The following NEK7 variants were observed in gnomAD, a reference collection of about 807,000 sequenced individuals.
The protein encoded by NEK7 is serine/threonine-protein kinase Nek7.
NEK7 carries 18 observed loss-of-function variants against 44.6 expected under a neutral mutation model. That is an observed-to-expected ratio of 0.40 (90% CI 0.28 to 0.60). NEK7 has a LOEUF of 0.60. NEK7 is among the 20% of genes least tolerant of loss of function. The pLI is 0.38. For synonymous variants in NEK7, 130 were observed against 121.1 expected, an observed-to-expected ratio of 1.07 and a Z score of -0.48; for missense variants, 256 against 366.5, an observed-to-expected ratio of 0.70 and a Z score of 2.46.
intron 9 of NEK7, among the ~76,000 whole-genome samples, chr1:198,298,265 C>T (rs1346971349): frequency 1.3e-5 from 2 of 152,068 alleles, no homozygotes; most frequent in African/African-American, 4.8e-5. Flanking sequence ...TATTGTGAAA[C>T]GAATAGCATA....
At chr1:198,284,771 C>T (rs554911255) in intron 7 of NEK7, among the ~76,000 whole-genome samples, 6 of 152,208 alleles carry the variant, frequency 3.9e-5, no homozygotes, top group African/African-American at 1.4e-4. Flanking sequence ...AGTACCAGAA[C>T]AATTTTATAT....
chr1:198,236,000 A>G (rs1042250288), intron 2 of NEK7, among the ~76,000 whole-genome samples: 8 of 152,158 alleles, frequency 5.3e-5, no homozygotes, highest in African/African-American at 1.9e-4. Flanking sequence ...ATGGCAGTTC[A>G]GACTGTAATC....
At chr1:198,319,388 T>C in intron 9 of NEK7, 24 bp from the exon 10 acceptor site, 1 of 1,557,428 alleles carries the variant, frequency 6.4e-7, no homozygotes. Context: ...TTAATCAGGT[T>C]TTATTGTTTT....
intron 4 of NEK7, 90 bp from the exon 5 acceptor site, chr1:198,264,035 C>T (rs1005809153): frequency 1.9e-5 from 25 of 1,295,746 alleles, no homozygotes; most frequent in African/African-American, 1.5e-4. Context: ...TTAAAAAATA[C>T]GGTGAAGTTT....
intron 9 of NEK7, among the ~76,000 whole-genome samples, chr1:198,305,187 A>G (rs1012765063): frequency 1.3e-5 from 2 of 152,192 alleles, no homozygotes; most frequent in East Asian, 1.9e-4. Context: ...AGCAATAAAT[A>G]CAAAGCTAAC....
At chr1:198,213,235 T>C (rs574096145) in intron 1 of NEK7, among the ~76,000 whole-genome samples, 78 of 152,254 alleles carry the variant, frequency 5.1e-4, no homozygotes, top group African/African-American at 1.9e-3. Flanking sequence ...GTGTACCACA[T>C]TAAGGGAGCA....
intron 1 of NEK7, among the ~76,000 whole-genome samples, chr1:198,178,686 TTTGTTGTTGTTG>T (rs71133918): frequency 3.3e-5 from 5 of 151,650 alleles, no homozygotes; most frequent in Non-Finnish European, 5.9e-5. Flanking sequence ...CCTGCCATTT[TTTGTTGTTGTTG>T]TTGTTGTTGT....
At chr1:198,291,462 C>T (rs924404596) in intron 7 of NEK7, among the ~76,000 whole-genome samples, 2 of 152,156 alleles carry the variant, frequency 1.3e-5, no homozygotes, top group South Asian at 2.1e-4. Flanking sequence ...ATTCTTTAAA[C>T]CTAGCTGTTT....
intron 1 of NEK7, among the ~76,000 whole-genome samples, chr1:198,198,777 T>A (rs1665321506): frequency 6.6e-6 from 1 of 152,248 alleles, no homozygotes; most frequent in Non-Finnish European, 1.5e-5. Context: ...TTCTCAGTTT[T>A]TAATTCCCTC....
intron 1 of NEK7, among the ~76,000 whole-genome samples, chr1:198,218,351 A>C (rs1665986279): frequency 6.6e-6 from 1 of 152,068 alleles, no homozygotes; most frequent in Non-Finnish European, 1.5e-5. Context: ...TGGCGCTGGG[A>C]AAATTGGATA....
At chr1:198,231,218 T>C (rs1162305692) in intron 1 of NEK7, among the ~76,000 whole-genome samples, 3 of 149,118 alleles carry the variant, frequency 2.0e-5, no homozygotes, top group Non-Finnish European at 4.5e-5. Flanking sequence ...ACTATTGTTG[T>C]TAGTGCAAAT....
At chr1:198,313,331 GTC>G (rs1480926966) in intron 9 of NEK7, among the ~76,000 whole-genome samples, 1 of 151,406 alleles carries the variant, frequency 6.6e-6, no homozygotes, top group African/African-American at 2.4e-5. Flanking sequence ...GCCTATGTGT[GTC>G]TCTGCATGTG....
At chr1:198,237,430 G>T (rs1666569266) in intron 2 of NEK7, among the ~76,000 whole-genome samples, 1 of 151,902 alleles carries the variant, frequency 6.6e-6, no homozygotes, top group African/African-American at 2.4e-5. Flanking sequence ...CCTCCAGACT[G>T]ACAGCCCACC....
At chr1:198,204,287 AAT>A (rs1314237058) in intron 1 of NEK7, among the ~76,000 whole-genome samples, 1 of 152,160 alleles carries the variant, frequency 6.6e-6, no homozygotes, top group Non-Finnish European at 1.5e-5. Flanking sequence ...ATAAAAAATA[AAT>A]ATGAGAGCAA....
At chr1:198,285,201 AGATCTT>A (rs1272554197) in intron 7 of NEK7, among the ~76,000 whole-genome samples, 6 of 152,234 alleles carry the variant, frequency 3.9e-5, no homozygotes, top group Non-Finnish European at 8.8e-5. Flanking sequence ...ATGAGGACAG[AGATCTT>A]TGTGTATTTG....
chr1:198,158,192 A>C (rs1483086106), intron 1 of NEK7, among the ~76,000 whole-genome samples: 1 of 152,194 alleles, frequency 6.6e-6, no homozygotes, highest in African/African-American at 2.4e-5. Flanking sequence ...CTGGGGAGAA[A>C]TGCTAAAAAA....
chr1:198,198,785 C>G (rs1410658342), intron 1 of NEK7, among the ~76,000 whole-genome samples: 1 of 152,196 alleles, frequency 6.6e-6, no homozygotes, highest in African/African-American at 2.4e-5. Context: ...TTTTAATTCC[C>G]TCTCCCCACA....
intron 1 of NEK7, among the ~76,000 whole-genome samples, chr1:198,168,633 T>C (rs16842482): frequency 0.045 from 6,831 of 152,300 alleles, 566 homozygotes; most frequent in African/African-American, 0.16. Context: ...TTTGGAGCCT[T>C]CTGGCAGCTG....
chr1:198,275,439 T>TAA (rs935214543), intron 5 of NEK7, among the ~76,000 whole-genome samples: 2 of 151,366 alleles, frequency 1.3e-5, no homozygotes, highest in African/African-American at 4.8e-5. Context: ...ATTGCTATAT[T>TAA]AAAAACTTAC....
Sources: allele counts gnomAD v4.1 joint callset (sites outside exome capture counted in the v4.1 genomes callset), GRCh38; gene constraint gnomAD v4.1.1; transcripts MANE v1.5; gene names NCBI Gene and HGNC (gene_info 2026-07-23, HGNC 2026-07-21).